DLGAP2: variants seen among roughly 807,000 people sequenced by gnomAD.
DLGAP2 encodes disks large-associated protein 2.
Under a neutral mutation model 100.3 loss-of-function variants are expected in DLGAP2, and 26 were observed. That is an observed-to-expected ratio of 0.26 (90% CI 0.19 to 0.36). The LOEUF (loss-of-function observed/expected upper bound fraction) is 0.36, where lower values mean the gene tolerates loss of function less well. Ranked by LOEUF, DLGAP2 falls within the 10% of genes least tolerant of loss-of-function variation. The probability of loss-of-function intolerance (pLI) is 1.00; values close to 1 mark genes in which losing one functional copy is unlikely to be tolerated. For synonymous variants in DLGAP2, 886 were observed against 630.1 expected, an observed-to-expected ratio of 1.41 and a Z score of -6.08; for missense variants, 1,858 against 1,453.2, an observed-to-expected ratio of 1.28 and a Z score of -4.53.
chr8:1,291,413 A>G (rs919698871), intron 3 of DLGAP2, among the ~76,000 whole-genome samples: 2 of 152,152 alleles, frequency 1.3e-5, no homozygotes, highest in African/African-American at 4.8e-5. Flanking sequence ...TCTACATGTG[A>G]GAGTGAATTA....
chr8:1,515,625 C>G (rs116522437), intron 4 of DLGAP2, among the ~76,000 whole-genome samples: 21 of 152,212 alleles, frequency 1.4e-4, no homozygotes, highest in African/African-American at 5.1e-4. Context: ...CACACACATG[C>G]AGACACAAGC....
At chr8:1,547,398 GTGTC>G (rs1221591951) in intron 4 of DLGAP2, among the ~76,000 whole-genome samples, 5 of 152,210 alleles carry the variant, frequency 3.3e-5, no homozygotes, top group African/African-American at 7.2e-5. Context: ...CCCCACAGCT[GTGTC>G]TGGGTGGAGG....
intron 4 of DLGAP2, among the ~76,000 whole-genome samples, chr8:1,545,265 T>A (rs1481375908): frequency 6.6e-6 from 1 of 152,132 alleles, no homozygotes; most frequent in Non-Finnish European, 1.5e-5. Flanking sequence ...GTCCTGAACT[T>A]TTCGTCCCAC....
In DLGAP2 at chr8:1,022,336, C is replaced by T. The variant is rs543458261; in HGVS notation, c.73+114370C>T. On this transcript the variant is annotated intron_variant, in intron 2 of 14. Coordinates refer to ENST00000637795, the MANE Select transcript of DLGAP2 (RefSeq NM_001346810.2). ...CACCCTCCCTGGGAGTGGACGGTCC[C>T]GTGCCGAGGTAGACACTCTAAACAC... Among the ~76,000 whole-genome samples the T allele has an allele frequency of 2.0e-3, 290 of 147,128 alleles. 1 individual carries two copies. Among genetic ancestry groups the T allele is most frequent in the African/African-American group, 6.8e-3 (268 of 39,586 alleles).
At chr8:1,385,990 A>T (rs1796210841) in intron 3 of DLGAP2, among the ~76,000 whole-genome samples, 1 of 152,262 alleles carries the variant, frequency 6.6e-6, no homozygotes, top group African/African-American at 2.4e-5. Context: ...TGAAGATTGG[A>T]GCAATTCCCA....
chr8:1,353,627 A>T (rs1365849901), intron 3 of DLGAP2, among the ~76,000 whole-genome samples: 1 of 152,224 alleles, frequency 6.6e-6, no homozygotes, highest in Admixed American at 6.5e-5. Context: ...TTATAAGGTG[A>T]GGGGTATTTG....
At chr8:1,378,948 G>A (rs1433075893) in intron 3 of DLGAP2, among the ~76,000 whole-genome samples, 1 of 152,218 alleles carries the variant, frequency 6.6e-6, no homozygotes, top group African/African-American at 2.4e-5. Context: ...TTCTAGCTCA[G>A]GGTAGCTCAT....
At position 1,145,515 on chromosome 8, in the gene DLGAP2, C is replaced by T. The variant is rs190152383; in HGVS notation, c.74-113336C>T. On this transcript the variant is annotated intron_variant, in intron 2 of 14. Coordinates refer to ENST00000637795, the MANE Select transcript of DLGAP2 (RefSeq NM_001346810.2). The stretch of plus-strand genomic sequence containing the variant: ...CATTGCAACGTCAACAGACCCCTCT[C>T]CTCCTTCCACTTCTCTCCTCCTGTT... 1.6e-4 allele frequency among the ~76,000 whole-genome samples: 24 copies of T among 152,310 alleles called. No individual in the cohort carries two copies. In the East Asian group the frequency reaches 4.6e-3, roughly 29 times the overall value.
intron 2 of DLGAP2, among the ~76,000 whole-genome samples, chr8:1,252,001 G>T (rs1018643303): frequency 6.8e-6 from 1 of 147,466 alleles, no homozygotes; most frequent in Non-Finnish European, 1.5e-5. Context: ...GTGTTGTCAC[G>T]TGGGTGTGTT....
intron 2 of DLGAP2, among the ~76,000 whole-genome samples, chr8:1,175,561 A>T (rs1044578093): frequency 1.3e-5 from 2 of 152,188 alleles, no homozygotes; most frequent in East Asian, 3.8e-4. Context: ...TTCTAGCTCT[A>T]TATGCGACTC....
chr8:1,178,248 G>A (rs550582172), intron 2 of DLGAP2, among the ~76,000 whole-genome samples: 6 of 152,344 alleles, frequency 3.9e-5, no homozygotes, highest in African/African-American at 1.2e-4. Flanking sequence ...GAGTTACCAC[G>A]TGATAGCATT....
chr8:834,704 G>A lies in DLGAP2; in HGVS notation c.19-73208G>A, dbSNP rs114677368. ...GAGGAGGGGGTCAAGTGGGTGCTAT[G>A]CCCTATTGGGTACTACACTCAGTAC... On this transcript the variant is annotated intron_variant, in intron 1 of 14. Transcript: ENST00000637795. Among the ~76,000 whole-genome samples the A allele has an allele frequency of 7.3e-3, 1,109 of 152,204 alleles. 6 individuals carry two copies. Among genetic ancestry groups the A allele is most frequent in the African/African-American group, 0.025 (1,027 of 41,522 alleles).
chr8:1,572,564 A>G (rs570697779), intron 6 of DLGAP2, among the ~76,000 whole-genome samples: 1 of 100,732 alleles, frequency 9.9e-6, no homozygotes, highest in African/African-American at 4.0e-5. Context: ...TGGAGAGGAG[A>G]GAGGGTGAAC....
At chr8:1,085,887 A>T (rs1345225316) in intron 2 of DLGAP2, among the ~76,000 whole-genome samples, 4 of 152,178 alleles carry the variant, frequency 2.6e-5, no homozygotes, top group African/African-American at 4.8e-5. Context: ...TATTATTTCA[A>T]TCCATGAACA....
intron 1 of DLGAP2, among the ~76,000 whole-genome samples, chr8:757,415 A>G (rs1563414515): frequency 1.3e-5 from 2 of 152,184 alleles, no homozygotes; most frequent in Admixed American, 1.3e-4. Context: ...GTGCAGTTGC[A>G]TGAGACTCGA....
At chr8:1,574,847 C>A (rs1802895359) in intron 6 of DLGAP2, among the ~76,000 whole-genome samples, 1 of 152,210 alleles carries the variant, frequency 6.6e-6, no homozygotes, top group African/African-American at 2.4e-5. Context: ...TCTCACTCTG[C>A]ATAAATATGT....
At chr8:981,411 G>C (rs192861631) in intron 2 of DLGAP2, among the ~76,000 whole-genome samples, 1,532 of 152,120 alleles carry the variant, frequency 0.01, 8 homozygotes, top group Non-Finnish European at 0.015. Flanking sequence ...GTGTCCACTT[G>C]AGTCTCTGCT....
At chr8:912,460 G>A (rs1410863248) in intron 2 of DLGAP2, among the ~76,000 whole-genome samples, 1 of 152,200 alleles carries the variant, frequency 6.6e-6, no homozygotes, top group Non-Finnish European at 1.5e-5. Flanking sequence ...TTCCGATGCT[G>A]AGTGAGAGGG....
At chr8:974,401 C>G (rs1243434507) in intron 2 of DLGAP2, among the ~76,000 whole-genome samples, 1 of 152,142 alleles carries the variant, frequency 6.6e-6, no homozygotes, top group Admixed American at 6.5e-5. Flanking sequence ...AAACACCAAC[C>G]CAGAATTCTG....
Sources: allele counts gnomAD v4.1 joint callset (sites outside exome capture counted in the v4.1 genomes callset), GRCh38; gene constraint gnomAD v4.1.1; transcripts MANE v1.5; gene names NCBI Gene and HGNC (gene_info 2026-07-23, HGNC 2026-07-21).